TOGARAM1: variants seen among roughly 807,000 people sequenced by gnomAD.
The protein encoded by TOGARAM1 is TOG array regulator of axonemal microtubules 1.
A neutral mutation model predicts 166.6 loss-of-function variants in TOGARAM1; 100 were observed. The ratio of observed to expected loss-of-function variants is 0.60; its 90% confidence interval spans 0.51 to 0.71. The LOEUF (loss-of-function observed/expected upper bound fraction) is 0.71. Ranked by LOEUF, TOGARAM1 falls within the 30% of genes least tolerant of loss-of-function variation. The probability of loss-of-function intolerance (pLI) is 0.00; values close to 1 mark genes in which losing one functional copy is unlikely to be tolerated. For synonymous variants in TOGARAM1, 758 were observed against 763.8 expected (o/e 0.99, Z 0.13); for missense variants, 2,029 against 2,102.7 (o/e 0.96, Z 0.69).
chr14:44,964,951 T>TAA (rs35780816), intron 1 of TOGARAM1, among the ~76,000 whole-genome samples: 2,435 of 85,020 alleles, frequency 0.029, 26 homozygotes, highest in East Asian at 0.08. Context: ...ACTAGAAAAG[T>TAA]AAAAAAAAAA....
intron 1 of TOGARAM1, among the ~76,000 whole-genome samples, chr14:44,987,019 A>G (rs894374371): frequency 4.0e-5 from 6 of 151,144 alleles, no homozygotes; most frequent in Non-Finnish European, 8.8e-5. Context: ...AAAAAAAAAA[A>G]GAAAGAAAAA....
At chr14:45,037,661 G>T (rs1034441946) in intron 11 of TOGARAM1, among the ~76,000 whole-genome samples, 5 of 152,138 alleles carry the variant, frequency 3.3e-5, no homozygotes, top group Admixed American at 3.3e-4. Context: ...ACTGCAAGGA[G>T]AAATAAATCT....
chr14:45,071,622 A>AT (rs879187695), intron 18 of TOGARAM1, 90 bp from the exon 19 acceptor site: 4,271 of 761,554 alleles, frequency 5.6e-3, no homozygotes, highest in South Asian at 7.3e-3. Context: ...CCTAGAAGTG[A>AT]TTTTTTTTTT....
At chr14:45,005,005 C>T (rs1049900152) in intron 4 of TOGARAM1, among the ~76,000 whole-genome samples, 41 of 152,104 alleles carry the variant, frequency 2.7e-4, no homozygotes, top group African/African-American at 9.2e-4. Flanking sequence ...TCACGGCATC[C>T]TCCACCTCCA....
intron 11 of TOGARAM1, among the ~76,000 whole-genome samples, chr14:45,036,742 T>C (rs1357933345): frequency 6.6e-6 from 1 of 152,222 alleles, no homozygotes; most frequent in Non-Finnish European, 1.5e-5. Flanking sequence ...CTTCTTTCAA[T>C]TTTCTTAGAA....
intron 1 of TOGARAM1, among the ~76,000 whole-genome samples, chr14:44,977,262 T>TC (rs1287274158): frequency 7.3e-6 from 1 of 136,750 alleles, no homozygotes; most frequent in Non-Finnish European, 1.5e-5. Flanking sequence ...TGAGATGGAG[T>TC]CTTGCTCTGT....
In TOGARAM1 at chr14:45,066,475, A is replaced by G. The variant is rs141581588; in HGVS notation, c.4560-103A>G. ...AGCCACAGTTTTTTGCATTTTATGC[A>G]TTTTGGAAAATGAATGCATAATGAG... On this transcript the variant is annotated intron_variant, in intron 16 of 19. Coordinates refer to ENST00000361462, the MANE Select transcript of TOGARAM1 (RefSeq NM_001308120.2). The G allele has an allele frequency of 1.2e-3, 1,348 of 1,105,042 alleles. 3 individuals are homozygous for G. The highest frequency in any genetic ancestry group is 1.5e-3 in the Non-Finnish European group (1,219 of 797,974). 68.5% of individuals were successfully genotyped at this position (1,105,042 alleles called of 1,614,324 possible).
In TOGARAM1 at chr14:44,963,910, T is replaced by C. The variant is rs1285352956; in HGVS notation, c.1489T>C (p.Ser497Pro). The part of the protein sequence containing the change: ...REEVVNICIC[S>P]LLTYPSEDFD... The stretch of plus-strand genomic sequence containing the variant: ...GGAGGTGGTGAACATTTGCATCTGC[T>C]CCCTGCTGACCTATCCTAGTGAGGA... The change falls in exon 1 of 20, where the codon TCC (serine) becomes CCC (proline). Residue 497 changes from serine (S) to proline (P), a missense_variant. Coordinates refer to ENST00000361462, the MANE Select transcript of TOGARAM1 (RefSeq NM_001308120.2). The C allele has an allele frequency of 6.2e-7, 1 of 1,613,956 alleles. No individual in the cohort carries two copies. Among genetic ancestry groups the C allele is most frequent in the Non-Finnish European group, 8.5e-7 (1 of 1,179,818 alleles).
intron 15 of TOGARAM1, among the ~76,000 whole-genome samples, chr14:45,054,205 C>T (rs1003377504): frequency 3.2e-4 from 49 of 152,050 alleles, no homozygotes; most frequent in African/African-American, 1.1e-3. Context: ...GTTTTTAACT[C>T]GTTTTTACAA....
At position 45,028,227 on chromosome 14, in the gene TOGARAM1, AAAG is replaced by A. The variant is rs1566646439; in HGVS notation, c.3561_3563del (p.Glu1188del). ...TTATAACAAGATGAGACAAAAGAGA[AAAG>A]AAGAGAAAGAACTGTTTCACAATAA... is the stretch of plus-strand genomic sequence containing the variant. On this transcript the variant is annotated inframe_deletion, in exon 10 of 20. Coordinates refer to ENST00000361462, the MANE Select transcript of TOGARAM1 (RefSeq NM_001308120.2). 9 of 1,597,708 alleles carry A rather than the reference AAAG, an allele frequency of 5.6e-6. No individual in the cohort carries two copies. Among genetic ancestry groups the A allele is most frequent in the Non-Finnish European group, 6.8e-6 (8 of 1,175,560 alleles).
intron 4 of TOGARAM1, among the ~76,000 whole-genome samples, chr14:45,005,360 C>T (rs1209214390): frequency 6.6e-6 from 1 of 152,062 alleles, no homozygotes; most frequent in African/African-American, 2.4e-5. Context: ...GTGGGTCATG[C>T]CTGTAGCACT....
intron 11 of TOGARAM1, among the ~76,000 whole-genome samples, chr14:45,035,195 A>G (rs1478435814): frequency 3.3e-5 from 5 of 152,160 alleles, no homozygotes; most frequent in Non-Finnish European, 5.9e-5. Context: ...TCCTGTGTCT[A>G]CCAAAAATAC....
rs1885171440 is a variant in TOGARAM1 at position 44,962,222 on chromosome 14, T to G, written c.-200T>G. ...GCCCTTGGTTACGCCCGGTGGCAGC[T>G]GTGGGGTCTAGGGCTCAGACGGGGG... is the stretch of plus-strand genomic sequence containing the variant. On this transcript the variant is annotated 5_prime_UTR_variant, in exon 1 of 20. Coordinates refer to ENST00000361462, the MANE Select transcript of TOGARAM1 (RefSeq NM_001308120.2). 5.6e-6 allele frequency: 3 copies of G among 539,652 alleles called. No individual in the cohort carries two copies. Among genetic ancestry groups the G allele is most frequent in the Admixed American group, 3.6e-5 (1 of 27,510 alleles). 33.4% of individuals were successfully genotyped at this position (539,652 alleles called of 1,614,324 possible).
At chr14:45,032,723 T>C (rs1034484726) in intron 11 of TOGARAM1, among the ~76,000 whole-genome samples, 1 of 152,186 alleles carries the variant, frequency 6.6e-6, no homozygotes, top group African/African-American at 2.4e-5. Flanking sequence ...GCTCCTATTG[T>C]AGTGATAGCA....
intron 16 of TOGARAM1, among the ~76,000 whole-genome samples, chr14:45,057,369 A>G (rs535831815): frequency 5.9e-5 from 9 of 151,888 alleles, no homozygotes; most frequent in Non-Finnish European, 5.9e-5. Context: ...TTGTTTTATT[A>G]TGTTTTTTCT....
chr14:45,040,995 C>T (rs1318547025), intron 11 of TOGARAM1, among the ~76,000 whole-genome samples: 1 of 152,144 alleles, frequency 6.6e-6, no homozygotes, highest in Non-Finnish European at 1.5e-5. Flanking sequence ...GATGAGATCG[C>T]ACCACTGCAC....
intron 8 of TOGARAM1, among the ~76,000 whole-genome samples, chr14:45,026,410 A>G (rs1317212484): frequency 2.0e-5 from 3 of 152,198 alleles, no homozygotes; most frequent in African/African-American, 7.2e-5. Context: ...ATATAATGAA[A>G]TAGAATAAAC....
chr14:45,039,030 G>T (rs370522394), intron 11 of TOGARAM1, among the ~76,000 whole-genome samples: 2 of 151,902 alleles, frequency 1.3e-5, no homozygotes, highest in South Asian at 2.1e-4. Flanking sequence ...CCTGATGTCT[G>T]TGCAGCCCTA....
intron 16 of TOGARAM1, among the ~76,000 whole-genome samples, chr14:45,059,329 C>T (rs905477669): frequency 5.3e-5 from 8 of 152,128 alleles, no homozygotes; most frequent in African/African-American, 1.9e-4. Flanking sequence ...AAGCATGAGC[C>T]ACCACATCTG....
Sources: gnomAD v4.1 joint callset for allele counts (sites outside exome capture counted in the v4.1 genomes callset) on GRCh38, gnomAD v4.1.1 for gene constraint, MANE v1.5 for transcripts, NCBI Gene and HGNC (gene_info 2026-07-23, HGNC 2026-07-21) for gene names.